HK1: variants seen among roughly 807,000 people sequenced by gnomAD.
The protein encoded by HK1 is hexokinase-1.
A neutral mutation model predicts 91.6 loss-of-function variants in HK1; 28 were observed. The ratio of observed to expected loss-of-function variants is 0.31; its 90% confidence interval spans 0.23 to 0.42. HK1 has a LOEUF of 0.42. Among genes scored for constraint, HK1 ranks in the 10% least tolerant of loss-of-function variants. The pLI is 1.00. For synonymous variants in HK1, 430 were observed against 468.1 expected (o/e 0.92, Z 1.05); for missense variants, 770 against 1,219.8 (o/e 0.63, Z 5.49).
intron 2 of HK1, among the ~76,000 whole-genome samples, chr10:69,348,418 C>T (rs184279776): frequency 6.6e-6 from 1 of 152,356 alleles, no homozygotes; most frequent in Non-Finnish European, 1.5e-5. Context: ...CTCAAGTATT[C>T]TCTCTATCTG....
At chr10:69,319,137 A>G in intron 1 of HK1, 127 bp downstream of exon 1, 1 of 1,116,766 alleles carries the variant, frequency 9.0e-7, no homozygotes, top group Non-Finnish European at 1.3e-6. Context: ...GTTGGACTGC[A>G]GGGCGCAAGG....
At chr10:69,321,633 G>A (rs1215846446) in intron 1 of HK1, among the ~76,000 whole-genome samples, 1 of 152,212 alleles carries the variant, frequency 6.6e-6, no homozygotes, top group Non-Finnish European at 1.5e-5. Context: ...AGGGAAGCTG[G>A]GGACCATGCC....
intron 1 of HK1, among the ~76,000 whole-genome samples, chr10:69,273,924 G>A (rs543566792): frequency 6.6e-6 from 1 of 151,582 alleles, no homozygotes; most frequent in Non-Finnish European, 1.5e-5. Flanking sequence ...CAACATCTGG[G>A]TTACCTGTAG....
chr10:69,394,335 G>A (rs1011595497), intron 15 of HK1, among the ~76,000 whole-genome samples: 2 of 152,170 alleles, frequency 1.3e-5, no homozygotes, highest in Non-Finnish European at 2.9e-5. Flanking sequence ...CAGTACTCTG[G>A]GTATTTGCAA....
chr10:69,295,718 C>T lies in HK1; in HGVS notation c.-67+38C>T, dbSNP rs766131873. On this transcript the variant is annotated intron_variant, in intron 4 of 21. Coordinates refer to the HK1 transcript ENST00000360289. ...TTTTTTTTTTTATTTCCTTCTGTAA[C>T]ATTTTCTGTAAAAGATAGTGCGTGG... 10 of 1,337,238 alleles carry T rather than the reference C, an allele frequency of 7.5e-6. No individual in the cohort carries two copies. In the South Asian group the frequency reaches 1.1e-4, roughly 14 times the overall value. 82.8% of individuals were successfully genotyped at this position (1,337,238 alleles called of 1,614,324 possible).
intron 7 of HK1, among the ~76,000 whole-genome samples, chr10:69,373,132 G>A (rs1237790070): frequency 6.6e-6 from 1 of 152,182 alleles, no homozygotes; most frequent in Non-Finnish European, 1.5e-5. Flanking sequence ...GCCTCTCAAA[G>A]TTCTGGGATT....
At chr10:69,387,837 A>C (rs900621557) in intron 13 of HK1, among the ~76,000 whole-genome samples, 1 of 151,950 alleles carries the variant, frequency 6.6e-6, no homozygotes, top group South Asian at 2.1e-4. Context: ...AATTTAACTC[A>C]TTAATTAATG....
In HK1 at chr10:69,276,114, A is replaced by AT. The variant is rs1564746767; in HGVS notation, c.-391+6006_-391+6007insT. Among the ~76,000 whole-genome samples the AT allele has an allele frequency of 1.6e-3, 64 of 40,570 alleles. 3 individuals are homozygous for AT. The highest frequency in any genetic ancestry group is 4.4e-3 in the South Asian group (4 of 902). The allele number at this position is 40,570 out of a possible 152,430, so 26.6% of individuals were successfully genotyped here. ...TCAAAAAAAAAAAAAAAAAAAAAAAAAAAAATACATATATATATATATATA... is the reference window on the plus strand; with the variant it reads ...TCAAAAAAAAAAAAAAAAAAAAAAAATAAAAATACATATATATATATATATA... On this transcript the variant is annotated intron_variant, in intron 1 of 21. Transcript: ENST00000360289.
At chr10:69,356,882 C>CAAAAAA (rs778360296) in intron 2 of HK1, among the ~76,000 whole-genome samples, 15 of 61,970 alleles carry the variant, frequency 2.4e-4, no homozygotes, top group East Asian at 5.4e-4. Context: ...AACTCCATCT[C>CAAAAAA]AAAAAAAAAA....
At chr10:69,387,846 T>C (rs1022305870) in intron 13 of HK1, among the ~76,000 whole-genome samples, 3 of 151,010 alleles carry the variant, frequency 2.0e-5, no homozygotes, top group African/African-American at 7.3e-5. Flanking sequence ...CATTAATTAA[T>C]GAGGGAGTCA....
intron 4 of HK1, among the ~76,000 whole-genome samples, chr10:69,366,727 TG>T (rs1455701216): frequency 6.6e-6 from 1 of 152,250 alleles, no homozygotes; most frequent in African/African-American, 2.4e-5. Flanking sequence ...GCCTCCACTG[TG>T]TCCTTCCAAA....
At chr10:69,335,885 G>A (rs901407248) in intron 1 of HK1, among the ~76,000 whole-genome samples, 4 of 152,186 alleles carry the variant, frequency 2.6e-5, no homozygotes, top group African/African-American at 9.7e-5. Flanking sequence ...TCTTTAGTAC[G>A]GCTTTGCTAG....
intron 4 of HK1, among the ~76,000 whole-genome samples, chr10:69,300,089 C>G (rs373919305): frequency 8.6e-5 from 13 of 151,766 alleles, no homozygotes; most frequent in East Asian, 3.8e-4. Flanking sequence ...TGTGAGCCAC[C>G]ATGCCCGGCT....
At chr10:69,368,001 G>A (rs1046739610) in intron 4 of HK1, among the ~76,000 whole-genome samples, 2 of 152,208 alleles carry the variant, frequency 1.3e-5, no homozygotes, top group Non-Finnish European at 2.9e-5. Flanking sequence ...TCCCAAAGCT[G>A]GTGAAGAGGC....
At chr10:69,394,791 C>G (rs1303292738) in intron 15 of HK1, among the ~76,000 whole-genome samples, 159 bp from the exon 16 acceptor site, 1 of 152,152 alleles carries the variant, frequency 6.6e-6, no homozygotes, top group African/African-American at 2.4e-5. Flanking sequence ...CTTCCTGGTC[C>G]TCCCACTCTG....
At position 69,389,309 on chromosome 10, in the gene HK1, G is replaced by A. The variant is rs747473997; in HGVS notation, c.2035+13G>A. 10 of 1,587,326 alleles carry A rather than the reference G, an allele frequency of 6.3e-6. No homozygotes were observed. The Admixed American group carries it at 1.7e-4, about 28-fold the overall frequency. ...GGACTCATTGTTGGTGAGTGTCCTG[G>A]AAGGTCTCTTTCCCTGCAGAAGGGA... On this transcript the variant is annotated intron_variant, in intron 14 of 17. Transcript: ENST00000359426.
intron 3 of HK1, among the ~76,000 whole-genome samples, chr10:69,294,348 A>G (rs1845447302): frequency 6.6e-6 from 1 of 152,200 alleles, no homozygotes; most frequent in Non-Finnish European, 1.5e-5. Flanking sequence ...CCATTCAGCT[A>G]TCATCAGGAA....
At chr10:69,373,029 C>G (rs1279790613) in intron 7 of HK1, among the ~76,000 whole-genome samples, 1 of 152,126 alleles carries the variant, frequency 6.6e-6, no homozygotes, top group Non-Finnish European at 1.5e-5. Context: ...GCTGCCACGC[C>G]CAGCTAATTT....
intron 1 of HK1, among the ~76,000 whole-genome samples, chr10:69,279,605 C>G (rs1431411176): frequency 6.6e-6 from 1 of 152,144 alleles, no homozygotes; most frequent in Non-Finnish European, 1.5e-5. Context: ...TCTCCAGAAA[C>G]TAAGTAGATC....
Sources: gnomAD v4.1 joint callset for allele counts (sites outside exome capture counted in the v4.1 genomes callset) on GRCh38, gnomAD v4.1.1 for gene constraint, MANE v1.5 for transcripts, NCBI Gene and HGNC (gene_info 2026-07-23, HGNC 2026-07-21) for gene names.